The following ETV1 variants were observed in gnomAD, a reference collection of about 807,000 sequenced individuals.
ETV1 encodes the protein ETS variant transcription factor 1, also known as ETS translocation variant 1.
In ETV1, 27 loss-of-function variants were observed where a neutral mutation model predicts 62.3. The ratio of observed to expected loss-of-function variants is 0.43; its 90% CI spans 0.32 to 0.60. ETV1 has a LOEUF of 0.60. ETV1 is among the 20% of genes least tolerant of loss of function. The pLI is 0.06. For missense variants in ETV1, 605 were observed against 605.8 expected, an observed-to-expected ratio of 1.00 and a Z score of 0.01; for synonymous variants, 222 against 199.6, an observed-to-expected ratio of 1.11 and a Z score of -0.94.
chr7:13,991,035 T>C (rs1782980228), upstream of ETV1: 1 of 152,300 alleles, frequency 6.6e-6, no homozygotes, highest in Admixed American at 6.5e-5. Flanking sequence ...CACTTATTAC[T>C]GGGAAAACAA....
chr7:13,967,839 G>A (rs1780462832), intron 6 of ETV1, among the ~76,000 whole-genome samples: 1 of 151,866 alleles, frequency 6.6e-6, no homozygotes, highest in Admixed American at 6.6e-5. Context: ...TCTATGAGGT[G>A]GTAGCCCCCA....
At chr7:13,898,211 T>C (rs928206109) in intron 13 of ETV1, among the ~76,000 whole-genome samples, 1 of 152,172 alleles carries the variant, frequency 6.6e-6, no homozygotes, top group African/African-American at 2.4e-5. Flanking sequence ...GTACATTAAG[T>C]ATAGCCAAAA....
At chr7:13,943,386 T>C (rs1031582730) in intron 6 of ETV1, among the ~76,000 whole-genome samples, 4 of 152,204 alleles carry the variant, frequency 2.6e-5, no homozygotes, top group South Asian at 2.1e-4. Context: ...GGTGAAGACA[T>C]GAAGCAATGG....
At chr7:13,965,166 T>C (rs1377060817) in intron 6 of ETV1, among the ~76,000 whole-genome samples, 1 of 152,146 alleles carries the variant, frequency 6.6e-6, no homozygotes, top group Non-Finnish European at 1.5e-5. Context: ...AACGCATAAA[T>C]ACACAGTGTT....
intron 9 of ETV1, among the ~76,000 whole-genome samples, chr7:13,915,059 T>C (rs1784002403): frequency 6.6e-6 from 1 of 152,224 alleles, no homozygotes; most frequent in African/African-American, 2.4e-5. Context: ...TATAACTTAA[T>C]TAAGCATTTG....
intron 4 of ETV1, chr7:13,987,134 G>A (rs946237091): frequency 3.2e-5 from 5 of 154,520 alleles, no homozygotes; most frequent in African/African-American, 1.2e-4. Context: ...ATGGTACATG[G>A]TACAACTGTC....
chr7:13,979,976 T>A (rs1781826598), intron 5 of ETV1, among the ~76,000 whole-genome samples: 1 of 152,144 alleles, frequency 6.6e-6, no homozygotes, highest in South Asian at 2.1e-4. Context: ...AGGAGTAGAA[T>A]AATCTAGAAG....
In ETV1 at chr7:13,893,029, T is replaced by C. The variant is rs930871130; in HGVS notation, c.*2837A>G. 6 of 232,782 alleles carry C rather than the reference T, an allele frequency of 2.6e-5. No homozygotes were observed. Among genetic ancestry groups the C allele is most frequent in the African/African-American group, 8.8e-5 (4 of 45,352 alleles). 14.4% of individuals were successfully genotyped at this position (232,782 alleles called of 1,614,324 possible). On this transcript the variant is annotated 3_prime_UTR_variant, in exon 14 of 14. Transcript: ENST00000430479. The stretch of plus-strand genomic sequence containing the variant: ...ATGATTTGAGAAAAATGTTCTGCAC[T>C]GTCAGTCTTGTGGATTTTTATTCTG...
chr7:13,983,009 T>G (rs1782154997), intron 5 of ETV1, among the ~76,000 whole-genome samples: 4 of 152,046 alleles, frequency 2.6e-5, no homozygotes, highest in African/African-American at 9.7e-5. Context: ...ACCTGACTGT[T>G]GTTTGAAGGT....
At chr7:13,988,695 G>T (rs776356046) in intron 3 of ETV1, 1 of 1,610,536 alleles carries the variant, frequency 6.2e-7, no homozygotes, top group South Asian at 1.1e-5. Context: ...TCTTTTCAAT[G>T]TGGCAGACAA....
Position 13,948,969 on chromosome 7 carries a change from C to A in ETV1, c.236-9723G>T, listed in dbSNP as rs189340256. On this transcript the variant is annotated intron_variant, in intron 6 of 13. Coordinates refer to ENST00000430479, the MANE Select transcript of ETV1 (RefSeq NM_004956.5). ...AAACTAGCTGATTAAAAAAATGACA[C>A]AAAATTGAGACTAAAACTACAAATT... Among the ~76,000 whole-genome samples the A allele has an allele frequency of 2.1e-3, 314 of 152,148 alleles. 1 individual carries two copies. The highest frequency in any genetic ancestry group is 7.1e-3 in the African/African-American group (294 of 41,538).
At chr7:13,986,253 C>T (rs559142802) in intron 5 of ETV1, 22 of 1,534,698 alleles carry the variant, frequency 1.4e-5, no homozygotes, top group South Asian at 3.7e-5. Context: ...TAATGATATG[C>T]GCTGCTCTAA....
At chr7:13,973,560 G>C (rs76423415) in intron 6 of ETV1, among the ~76,000 whole-genome samples, 10,357 of 151,876 alleles carry the variant, frequency 0.068, 494 homozygotes, top group South Asian at 0.16. Context: ...TCCTTTCTTC[G>C]GTGAAGAATA....
At chr7:13,919,108 CT>C (rs1784532994) in intron 9 of ETV1, among the ~76,000 whole-genome samples, 1 of 152,074 alleles carries the variant, frequency 6.6e-6, no homozygotes, top group Non-Finnish European at 1.5e-5. Context: ...GCCTGCACCC[CT>C]ATTATGTGCT....
At chr7:13,924,541 G>A (rs918856098) in intron 9 of ETV1, among the ~76,000 whole-genome samples, 3 of 152,148 alleles carry the variant, frequency 2.0e-5, no homozygotes, top group Non-Finnish European at 4.4e-5. Flanking sequence ...TATTTAATGT[G>A]AAATGTGCTC....
In ETV1 at chr7:13,891,449, A is replaced by G. The variant is rs1781378765; in HGVS notation, c.*4417T>C. Reference sequence around the variant, plus strand: ...AAAAAAGACCCTACCTTACATATGAATCCATAAACAATAGCCACGGTATAT... The same window carrying G: ...AAAAAAGACCCTACCTTACATATGAGTCCATAAACAATAGCCACGGTATAT... On this transcript the variant is annotated 3_prime_UTR_variant, in exon 14 of 14. Coordinates refer to ENST00000430479, the MANE Select transcript of ETV1 (RefSeq NM_004956.5). 4.3e-6 allele frequency: 1 copy of G among 231,754 alleles called. No homozygotes were observed. The highest frequency in any genetic ancestry group is 8.5e-6 in the Non-Finnish European group (1 of 117,270). 14.4% of individuals were successfully genotyped at this position (231,754 alleles called of 1,614,324 possible). A position where few individuals can be genotyped will look rare whatever the true frequency, so the allele number is the denominator to read the frequency against.
chr7:13,930,918 A>G (rs1432052262), intron 9 of ETV1, among the ~76,000 whole-genome samples: 1 of 151,600 alleles, frequency 6.6e-6, no homozygotes, highest in Non-Finnish European at 1.5e-5. Context: ...CTCTTGCCTC[A>G]GCCTCCCGAG....
intron 13 of ETV1, among the ~76,000 whole-genome samples, chr7:13,898,030 C>T (rs747260514): frequency 1.3e-5 from 2 of 152,158 alleles, no homozygotes; most frequent in African/African-American, 4.8e-5. Context: ...AGGACTCTGC[C>T]TTTCCTCACT....
intron 6 of ETV1, among the ~76,000 whole-genome samples, chr7:13,975,954 C>A (rs1168532291): frequency 6.6e-6 from 1 of 152,128 alleles, no homozygotes; most frequent in African/African-American, 2.4e-5. Flanking sequence ...AAGAAGAATT[C>A]AATTGCCCAT....
Sources: gnomAD v4.1 joint callset for allele counts (sites outside exome capture counted in the v4.1 genomes callset) on GRCh38, gnomAD v4.1.1 for gene constraint, MANE v1.5 for transcripts, NCBI Gene and HGNC (gene_info 2026-07-23, HGNC 2026-07-21) for gene names.